SNRPB2: variants seen among roughly 807,000 people sequenced by gnomAD.
SNRPB2 encodes U2 small nuclear ribonucleoprotein B''.
A neutral mutation model predicts 26.3 loss-of-function variants in SNRPB2; 16 were observed. The observed-to-expected ratio is 0.61, with a 90% CI of 0.41 to 0.92. The LOEUF (loss-of-function observed/expected upper bound fraction) is 0.92, where lower values mean the gene tolerates loss of function less well. Ranked by LOEUF, SNRPB2 falls within the 40% of genes least tolerant of loss-of-function variation. The probability of loss-of-function intolerance (pLI) is 0.00; values close to 1 mark genes in which losing one functional copy is unlikely to be tolerated. For missense variants in SNRPB2, 179 were observed against 268.1 expected, an observed-to-expected ratio of 0.67 and a Z score of 2.32; for synonymous variants, 75 against 89.0, an observed-to-expected ratio of 0.84 and a Z score of 0.88.
At chr20:16,732,830 T>C (rs1023236084) in intron 3 of SNRPB2, among the ~76,000 whole-genome samples, 2 of 152,296 alleles carry the variant, frequency 1.3e-5, no homozygotes, top group Non-Finnish European at 2.9e-5. Context: ...GAAATGGTTA[T>C]GAATGGAGAG....
chr20:16,739,288 C>G (rs1415153804), intron 5 of SNRPB2, among the ~76,000 whole-genome samples: 1 of 152,130 alleles, frequency 6.6e-6, no homozygotes, highest in Non-Finnish European at 1.5e-5. Context: ...TGAAACACTA[C>G]AGTGTTACAC....
Position 16,740,987 on chromosome 20 carries a change from C to G in SNRPB2, c.660C>G (p.Ile220Met). ...FKITPSHAMK[I>M]TYAKK is the part of the protein sequence containing the mutation. ...TCACACCGTCCCATGCTATGAAGAT[C>G]ACCTATGCCAAGAAATAACATTTGG... Residue 220 changes from isoleucine to methionine, a missense_variant, in exon 7 of 7, where the codon ATC (isoleucine) becomes ATG (methionine). Coordinates refer to ENST00000246071, the MANE Select transcript of SNRPB2 (RefSeq NM_003092.5). The G allele has an allele frequency of 1.2e-6, 2 of 1,608,838 alleles. No individual in the cohort carries two copies. Among genetic ancestry groups the G allele is most frequent in the Non-Finnish European group, 1.7e-6 (2 of 1,176,418 alleles).
At chr20:16,732,358 A>C in intron 3 of SNRPB2, 22 bp downstream of exon 3, 1 of 1,361,430 alleles carries the variant, frequency 7.3e-7, no homozygotes, top group East Asian at 2.4e-5. Context: ...CCATTATTTC[A>C]CTTTAATCAA....
chr20:16,737,479 A>G, intron 4 of SNRPB2, 78 bp downstream of exon 4: 1 of 1,342,662 alleles, frequency 7.4e-7, no homozygotes, highest in South Asian at 1.5e-5. Flanking sequence ...GTAAGGAATG[A>G]TCTTAGGCTT....
chr20:16,738,820 A>C (rs771924988), intron 4 of SNRPB2, 32 bp from the exon 5 acceptor site: 4 of 1,304,622 alleles, frequency 3.1e-6, no homozygotes, highest in Admixed American at 1.7e-5. Flanking sequence ...GAGGGATTGG[A>C]TATTTAAACT....
rs978929475 is a variant in SNRPB2, at chr20:16,741,987, G to A, written c.*982G>A. On this transcript the variant is annotated 3_prime_UTR_variant, in exon 7 of 7. Transcript: ENST00000246071. The stretch of plus-strand genomic sequence containing the variant: ...AAAGAAAACAGTACTTATTTTTCTG[G>A]TGTTCCTGTTTTAGTATTCCTTGAA... The A allele has an allele frequency of 6.6e-6, 1 of 152,132 alleles. No individual in the cohort carries two copies. 9.4% of individuals were successfully genotyped at this position (152,132 alleles called of 1,614,324 possible).
chr20:16,736,357 C>T (rs1156907934), intron 3 of SNRPB2, among the ~76,000 whole-genome samples: 2 of 152,010 alleles, frequency 1.3e-5, no homozygotes, highest in East Asian at 1.9e-4. Context: ...GATAGAACTG[C>T]CCTGTGTCCT....
chr20:16,738,687 T>C (rs1353381776), intron 4 of SNRPB2, among the ~76,000 whole-genome samples, 165 bp from the exon 5 acceptor site: 1 of 152,096 alleles, frequency 6.6e-6, no homozygotes, highest in African/African-American at 2.4e-5. Context: ...AACATGAGTG[T>C]TTGAGTCAGT....
At chr20:16,731,860 A>G (rs1015984204) in intron 2 of SNRPB2, 94 bp downstream of exon 2, 8 of 1,549,108 alleles carry the variant, frequency 5.2e-6, no homozygotes, top group Non-Finnish European at 6.1e-6. Context: ...TTACCTCATC[A>G]TCTTAGTGCC....
intron 1 of SNRPB2, 21 bp from the exon 2 acceptor site, chr20:16,731,647 A>G: frequency 6.2e-7 from 1 of 1,600,422 alleles, no homozygotes; most frequent in African/African-American, 1.3e-5. Context: ...AGTATAATTT[A>G]CTCCTTCCTT....
chr20:16,737,423 C>T, intron 4 of SNRPB2, 22 bp downstream of exon 4: 1 of 1,567,822 alleles, frequency 6.4e-7, no homozygotes, highest in South Asian at 1.2e-5. Flanking sequence ...CAAGAAAGTT[C>T]CTGTTTGTAT....
Position 16,737,406 on chromosome 20 carries a change from G to A in SNRPB2, c.378+5G>A. 1 of 1,573,386 alleles carries A rather than the reference G, an allele frequency of 6.4e-7. No homozygotes were observed. The highest frequency in any genetic ancestry group is 8.6e-7 in the Non-Finnish European group (1 of 1,169,096). ...ACAAACAAAAAGCCTGGCCAGGTAAGAAAGACCAAGAAAGTTCCTGTTTGT... is the reference window on the plus strand; with the variant it reads ...ACAAACAAAAAGCCTGGCCAGGTAAAAAAGACCAAGAAAGTTCCTGTTTGT... On this transcript the variant is annotated splice_donor_5th_base_variant and intron_variant, in intron 4 of 6. Coordinates refer to ENST00000246071, the MANE Select transcript of SNRPB2 (RefSeq NM_003092.5).
At chr20:16,732,036 A>C in intron 2 of SNRPB2, 128 bp from the exon 3 acceptor site, 1 of 634,560 alleles carries the variant, frequency 1.6e-6, no homozygotes, top group Non-Finnish European at 2.6e-6. Context: ...ATGTTTTTAT[A>C]AATATTAAAA....
At chr20:16,733,984 G>A (rs1321094982) in intron 3 of SNRPB2, among the ~76,000 whole-genome samples, 1 of 152,154 alleles carries the variant, frequency 6.6e-6, no homozygotes, top group African/African-American at 2.4e-5. Flanking sequence ...GATCTCAGTT[G>A]GCAGCAGCAT....
At chr20:16,730,451 C>G (rs2072382043) in intron 1 of SNRPB2, 1 of 152,350 alleles carries the variant, frequency 6.6e-6, no homozygotes, top group Admixed American at 6.5e-5. Flanking sequence ...TGTAACAACG[C>G]AGCCCACGAT....
intron 1 of SNRPB2, among the ~76,000 whole-genome samples, chr20:16,731,204 G>A (rs529495579): frequency 7.9e-5 from 12 of 152,166 alleles, no homozygotes; most frequent in Non-Finnish European, 1.3e-4. Flanking sequence ...AGACAGCTTG[G>A]TGATGCTGTA....
Position 16,741,018 on chromosome 20 carries a change from T to G in SNRPB2, c.*13T>G. The stretch of plus-strand genomic sequence containing the variant: ...TGCCAAGAAATAACATTTGGGATAG[T>G]CGTCTTTAAAAGACTTGGTGTTATT... On this transcript the variant is annotated 3_prime_UTR_variant, in exon 7 of 7. Transcript: ENST00000246071. 1 of 1,583,808 alleles carries G rather than the reference T, an allele frequency of 6.3e-7. No individual in the cohort carries two copies. Among genetic ancestry groups the G allele is most frequent in the African/African-American group, 1.3e-5 (1 of 74,312 alleles).
Position 16,740,834 on chromosome 20 carries a change from T to A in SNRPB2, c.519-12T>A. The A allele has an allele frequency of 1.3e-6, 2 of 1,599,654 alleles. No homozygotes were observed. The highest frequency in any genetic ancestry group is 1.7e-6 in the Non-Finnish European group (2 of 1,169,274). On this transcript the variant is annotated splice_polypyrimidine_tract_variant and intron_variant, in intron 6 of 6. Transcript: ENST00000246071. ...ACTTGCTGTATACATGAATTGTTTTTCTTCTTTATAGGTTCCCTGGCTTCA... is the reference window on the plus strand; with the variant it reads ...ACTTGCTGTATACATGAATTGTTTTACTTCTTTATAGGTTCCCTGGCTTCA...
In SNRPB2 at chr20:16,741,723, C is replaced by T. The variant is rs1219932346; in HGVS notation, c.*718C>T. 1.3e-5 allele frequency: 2 copies of T among 152,124 alleles called. No individual in the cohort carries two copies. The highest frequency in any genetic ancestry group is 2.9e-5 in the Non-Finnish European group (2 of 67,994). The allele number at this position is 152,124 out of a possible 1,614,324, so 9.4% of individuals were successfully genotyped here. ...GGGTAAAAATTTTTTGATCTATAGT[C>T]TCTTTTCCCCCTTAAGACAAATAGA... is the stretch of plus-strand genomic sequence containing the variant. On this transcript the variant is annotated 3_prime_UTR_variant, in exon 7 of 7. Coordinates refer to ENST00000246071, the MANE Select transcript of SNRPB2 (RefSeq NM_003092.5).
Sources: gnomAD v4.1 joint callset for allele counts (sites outside exome capture counted in the v4.1 genomes callset) on GRCh38, gnomAD v4.1.1 for gene constraint, MANE v1.5 for transcripts, NCBI Gene and HGNC (gene_info 2026-07-23, HGNC 2026-07-21) for gene names.